The following ME1 variants were observed in gnomAD, a reference collection of about 807,000 sequenced individuals.
The protein encoded by ME1 is NADP-dependent malic enzyme.
A neutral mutation model predicts 66.4 loss-of-function variants in ME1; 74 were observed. The observed-to-expected ratio is 1.11, with a 90% CI of 0.92 to 1.35. The LOEUF (loss-of-function observed/expected upper bound fraction) is 1.35, where lower values mean the gene tolerates loss of function less well. Ranked by LOEUF, ME1 falls within the 40% of genes most tolerant of loss-of-function variation. The pLI is 0.00. For missense variants in ME1, 750 were observed against 694.1 expected, an observed-to-expected ratio of 1.08 and a Z score of -0.90; for synonymous variants, 251 against 235.6, an observed-to-expected ratio of 1.07 and a Z score of -0.60.
intron 7 of ME1, among the ~76,000 whole-genome samples, chr6:83,244,902 C>A (rs1023769955): frequency 6.6e-6 from 1 of 151,952 alleles, no homozygotes; most frequent in African/African-American, 2.4e-5. Context: ...TACCTGAAAA[C>A]AGAGAGAAGT....
intron 6 of ME1, among the ~76,000 whole-genome samples, chr6:83,309,117 T>C (rs552720828): frequency 3.9e-5 from 6 of 152,168 alleles, no homozygotes; most frequent in Admixed American, 1.3e-4. Flanking sequence ...TTTTACACTA[T>C]TGCAAGAATT....
At chr6:83,322,010 A>G (rs1392202995) in intron 5 of ME1, among the ~76,000 whole-genome samples, 4 of 152,232 alleles carry the variant, frequency 2.6e-5, no homozygotes, top group African/African-American at 9.6e-5. Context: ...TAAGGTAAAC[A>G]GGGACTGGAG....
intron 7 of ME1, among the ~76,000 whole-genome samples, chr6:83,245,722 T>C (rs2128526958): frequency 6.6e-6 from 1 of 152,326 alleles, no homozygotes; most frequent in East Asian, 1.9e-4. Flanking sequence ...CAAAGTAATA[T>C]TTTAAAATTC....
At chr6:83,366,812 G>C (rs1012274088) in intron 3 of ME1, among the ~76,000 whole-genome samples, 4 of 152,106 alleles carry the variant, frequency 2.6e-5, no homozygotes, top group African/African-American at 9.7e-5. Context: ...ACTTATGAGG[G>C]ATTAAATCAA....
At chr6:83,341,096 G>A (rs781515158) in intron 5 of ME1, among the ~76,000 whole-genome samples, 1 of 151,882 alleles carries the variant, frequency 6.6e-6, no homozygotes, top group African/African-American at 2.4e-5. Flanking sequence ...ATACAGTATC[G>A]GTCAACCTGG....
At position 83,211,896 on chromosome 6, in the gene ME1, A is replaced by C. The variant is rs1789894794; in HGVS notation, c.*28T>G. The C allele has an allele frequency of 4.0e-6, 6 of 1,484,422 alleles. No individual in the cohort carries two copies. The highest frequency in any genetic ancestry group is 5.4e-6 in the Non-Finnish European group (6 of 1,104,286). 92.0% of individuals were successfully genotyped at this position (1,484,422 alleles called of 1,614,324 possible). A position where few individuals can be genotyped will look rare whatever the true frequency, so the allele number is the denominator to read the frequency against. ...TTATGAAAGGTTTAAAGACCTCATTAATAGAGTTAGAAATGTTTGCTATTA... is the reference window on the plus strand; with the variant it reads ...TTATGAAAGGTTTAAAGACCTCATTCATAGAGTTAGAAATGTTTGCTATTA... On this transcript the variant is annotated 3_prime_UTR_variant, in exon 14 of 14. Coordinates refer to ENST00000369705, the MANE Select transcript of ME1 (RefSeq NM_002395.6).
intron 5 of ME1, among the ~76,000 whole-genome samples, chr6:83,343,242 T>G (rs1768623017): frequency 6.6e-6 from 1 of 152,174 alleles, no homozygotes; most frequent in Non-Finnish European, 1.5e-5. Context: ...ATCAACTTTT[T>G]TAGCCCGGGT....
chr6:83,422,607 T>G (rs1300177939), intron 1 of ME1, among the ~76,000 whole-genome samples: 1 of 152,162 alleles, frequency 6.6e-6, no homozygotes, highest in African/African-American at 2.4e-5. Context: ...GGCAAAGTCT[T>G]TCTAAATAAA....
intron 1 of ME1, among the ~76,000 whole-genome samples, chr6:83,424,592 T>C (rs1357921179): frequency 6.6e-6 from 1 of 152,160 alleles, no homozygotes; most frequent in African/African-American, 2.4e-5. Flanking sequence ...CAAGCAAACC[T>C]GACTGATTAG....
intron 3 of ME1, among the ~76,000 whole-genome samples, chr6:83,356,341 G>A (rs1768888832): frequency 6.6e-6 from 1 of 152,088 alleles, no homozygotes; most frequent in African/African-American, 2.4e-5. Context: ...AGTGAGCCCT[G>A]TGAGTTAAGC....
chr6:83,313,630 G>A lies in ME1; in HGVS notation c.704+1680C>T, dbSNP rs570578682. On this transcript the variant is annotated intron_variant, in intron 6 of 13. Transcript: ENST00000369705. ...TCCTTTCCTCTTATATAGCCTTACG[G>A]TATTATCTATACAATCTCTTGATTA... Among the ~76,000 whole-genome samples the A allele has an allele frequency of 7.9e-5, 12 of 152,110 alleles. No homozygotes were observed. The East Asian group carries it at 2.3e-3, about 29-fold the overall frequency.
intron 7 of ME1, among the ~76,000 whole-genome samples, chr6:83,251,877 A>T (rs1433018598): frequency 6.6e-6 from 1 of 152,200 alleles, no homozygotes; most frequent in African/African-American, 2.4e-5. Context: ...ATAAGATCAG[A>T]TTTCTATAGC....
chr6:83,237,274 A>AGAAAGAAAGAAAGGAAG (rs1554262978), intron 9 of ME1, among the ~76,000 whole-genome samples: 1 of 83,676 alleles, frequency 1.2e-5, no homozygotes, highest in Non-Finnish European at 2.4e-5. Flanking sequence ...AAAGAAAGAA[A>AGAAAGAAAGAAAGGAAG]GAAAGGAAGG....
intron 7 of ME1, among the ~76,000 whole-genome samples, chr6:83,247,314 T>G (rs1027942533): frequency 6.6e-6 from 1 of 152,100 alleles, no homozygotes; most frequent in African/African-American, 2.4e-5. Flanking sequence ...CTTCAGATTA[T>G]ATAATTATGT....
At chr6:83,286,529 G>C (rs1044957205) in intron 6 of ME1, among the ~76,000 whole-genome samples, 2 of 151,964 alleles carry the variant, frequency 1.3e-5, no homozygotes, top group Non-Finnish European at 1.5e-5. Flanking sequence ...TACACTTAAA[G>C]AGATATTTTT....
intron 11 of ME1, among the ~76,000 whole-genome samples, chr6:83,224,694 A>AT (rs1379639159): frequency 1.6e-4 from 18 of 112,224 alleles, no homozygotes; most frequent in Middle Eastern, 4.9e-3. Flanking sequence ...AAAAAAAAAA[A>AT]AAATAAAAAT....
intron 6 of ME1, among the ~76,000 whole-genome samples, chr6:83,264,081 G>A (rs1328115574): frequency 6.6e-6 from 1 of 152,120 alleles, no homozygotes; most frequent in East Asian, 1.9e-4. Context: ...TAATGCAGCT[G>A]GTGACATTAA....
In ME1 at chr6:83,282,502, A is replaced by C. The variant is rs181702741; in HGVS notation, c.705-28764T>G. 1.6e-3 allele frequency among the ~76,000 whole-genome samples: 240 copies of C among 152,298 alleles called. 4 individuals carry two copies. The highest frequency in any genetic ancestry group is 0.014 in the Middle Eastern group (4 of 294). Reference sequence around the variant, plus strand: ...GAAGACATTTATGTGGCCAACAAACATGAAAAAAGCTCATCATCACTGGTC... The same window carrying C: ...GAAGACATTTATGTGGCCAACAAACCTGAAAAAAGCTCATCATCACTGGTC... On this transcript the variant is annotated intron_variant, in intron 6 of 13. Transcript: ENST00000369705.
intron 6 of ME1, among the ~76,000 whole-genome samples, chr6:83,279,224 C>A (rs556568003): frequency 6.6e-6 from 1 of 152,164 alleles, no homozygotes; most frequent in Middle Eastern, 3.2e-3. Flanking sequence ...CAAAACCCAG[C>A]ATATTAAAGG....
Sources: allele counts gnomAD v4.1 joint callset (sites outside exome capture counted in the v4.1 genomes callset), GRCh38; gene constraint gnomAD v4.1.1; transcripts MANE v1.5; gene names NCBI Gene and HGNC (gene_info 2026-07-23, HGNC 2026-07-21).